CTNNA3: variants seen among roughly 807,000 people sequenced by gnomAD.
The protein encoded by CTNNA3 is catenin alpha 3, also known as catenin alpha-3.
Under a neutral mutation model 95.7 loss-of-function variants are expected in CTNNA3, and 76 were observed. The ratio of observed to expected loss-of-function variants is 0.79; its 90% CI spans 0.66 to 0.96. The LOEUF is 0.96. CTNNA3 is among the 40% of genes least tolerant of loss of function. The pLI is 0.00. For missense variants in CTNNA3, 1,191 were observed against 1,089.8 expected, an observed-to-expected ratio of 1.09 and a Z score of -1.31; for synonymous variants, 431 against 374.4, an observed-to-expected ratio of 1.15 and a Z score of -1.74.
chr10:67,122,153 T>C (rs979708002), intron 7 of CTNNA3, among the ~76,000 whole-genome samples: 1 of 151,950 alleles, frequency 6.6e-6, no homozygotes, highest in Non-Finnish European at 1.5e-5. Flanking sequence ...GCGTCTTTCC[T>C]AAGGGAAAGG....
rs183774119 is a variant in CTNNA3, at chr10:66,691,739, G to A, written c.1282-69955C>T. On this transcript the variant is annotated intron_variant, in intron 9 of 17. Coordinates refer to ENST00000433211, the MANE Select transcript of CTNNA3 (RefSeq NM_013266.4). ...GTAGAGGCAGACTGACACCTCACAC[G>A]GCTGGGTACTCCTCTGAGACAAAAC... Among the ~76,000 whole-genome samples the A allele has an allele frequency of 8.0e-3, 1,214 of 152,200 alleles. 8 individuals are homozygous for A. Among genetic ancestry groups the A allele is most frequent in the African/African-American group, 0.027 (1,140 of 41,518 alleles).
At chr10:66,886,137 G>T (rs1259724768) in intron 7 of CTNNA3, among the ~76,000 whole-genome samples, 1 of 152,060 alleles carries the variant, frequency 6.6e-6, no homozygotes, top group Non-Finnish European at 1.5e-5. Context: ...GGATTAGAGT[G>T]GCAAATGAGA....
At chr10:66,284,599 T>A (rs899966979) in intron 12 of CTNNA3, among the ~76,000 whole-genome samples, 1 of 151,940 alleles carries the variant, frequency 6.6e-6, no homozygotes, top group Non-Finnish European at 1.5e-5. Flanking sequence ...TAATCCTTGA[T>A]AAATTTATTA....
At chr10:66,701,860 T>A (rs575972292) in intron 9 of CTNNA3, among the ~76,000 whole-genome samples, 1 of 152,284 alleles carries the variant, frequency 6.6e-6, no homozygotes, top group African/African-American at 2.4e-5. Flanking sequence ...CACGTCTAAA[T>A]ACAAAATTCA....
intron 5 of CTNNA3, among the ~76,000 whole-genome samples, chr10:67,331,316 G>C (rs998231051): frequency 7.2e-5 from 11 of 152,158 alleles, no homozygotes; most frequent in African/African-American, 2.7e-4. Context: ...GCAGGATAAA[G>C]AAAAGTGAAT....
At chr10:66,821,556 C>G (rs951716213) in intron 7 of CTNNA3, among the ~76,000 whole-genome samples, 18 of 152,138 alleles carry the variant, frequency 1.2e-4, no homozygotes, top group African/African-American at 4.3e-4. Context: ...CAGCAGCAAC[C>G]TAACCCACTG....
intron 9 of CTNNA3, among the ~76,000 whole-genome samples, chr10:66,694,546 G>A (rs1485926771): frequency 6.6e-6 from 1 of 152,114 alleles, no homozygotes; most frequent in Non-Finnish European, 1.5e-5. Context: ...AGGAGGAACT[G>A]GTATCATTCC....
At chr10:66,640,872 C>T (rs1845494240) in intron 9 of CTNNA3, among the ~76,000 whole-genome samples, 2 of 152,090 alleles carry the variant, frequency 1.3e-5, no homozygotes, top group South Asian at 2.1e-4. Flanking sequence ...AAGATAAAAG[C>T]GAACAAACAT....
chr10:66,595,356 T>TTATTAG (rs1244303863), intron 10 of CTNNA3, among the ~76,000 whole-genome samples: 2 of 137,472 alleles, frequency 1.5e-5, no homozygotes, highest in African/African-American at 5.3e-5. Flanking sequence ...ATTATTATTA[T>TTATTAG]TATTTGAGAC....
chr10:66,076,129 A>G (rs1303784232), intron 14 of CTNNA3, among the ~76,000 whole-genome samples: 1 of 151,662 alleles, frequency 6.6e-6, no homozygotes, highest in African/African-American at 2.4e-5. Context: ...TTGGAAAAAT[A>G]GTTCTCTAAT....
intron 7 of CTNNA3, among the ~76,000 whole-genome samples, chr10:67,057,217 A>C (rs1451809589): frequency 6.6e-6 from 1 of 152,156 alleles, no homozygotes; most frequent in Non-Finnish European, 1.5e-5. Context: ...TATACATATA[A>C]ATTGTGAAAT....
intron 13 of CTNNA3, among the ~76,000 whole-genome samples, chr10:66,213,327 T>A (rs1016345807): frequency 1.3e-5 from 2 of 152,166 alleles, no homozygotes; most frequent in Non-Finnish European, 2.9e-5. Flanking sequence ...GTGTTCCAAA[T>A]TTCTTTATTT....
At chr10:67,274,548 C>T (rs935171676) in intron 5 of CTNNA3, among the ~76,000 whole-genome samples, 1 of 152,116 alleles carries the variant, frequency 6.6e-6, no homozygotes, top group African/African-American at 2.4e-5. Flanking sequence ...AAGGAGATGG[C>T]CTGGCGCAGT....
At chr10:66,747,068 T>C (rs1838912187) in intron 9 of CTNNA3, among the ~76,000 whole-genome samples, 1 of 152,226 alleles carries the variant, frequency 6.6e-6, no homozygotes, top group South Asian at 2.1e-4. Flanking sequence ...AATAAAATGC[T>C]GGTGAAATGT....
At chr10:66,007,072 G>T (rs1450834630) in intron 15 of CTNNA3, among the ~76,000 whole-genome samples, 1 of 152,076 alleles carries the variant, frequency 6.6e-6, no homozygotes, top group Non-Finnish European at 1.5e-5. Context: ...TAAATTTTAG[G>T]ACACCGTAAA....
At chr10:66,211,891 ATG>A (rs2088181122) in intron 13 of CTNNA3, among the ~76,000 whole-genome samples, 1 of 149,904 alleles carries the variant, frequency 6.7e-6, no homozygotes, top group Admixed American at 6.6e-5. Context: ...GGATGTGATT[ATG>A]TGGTTCAAGA....
chr10:67,205,755 A>G (rs752514498), intron 6 of CTNNA3, among the ~76,000 whole-genome samples: 1 of 152,194 alleles, frequency 6.6e-6, no homozygotes, highest in Non-Finnish European at 1.5e-5. Context: ...AGGAAAAGGT[A>G]AGGATAAATA....
intron 5 of CTNNA3, among the ~76,000 whole-genome samples, chr10:67,372,578 C>A (rs1204041204): frequency 3.3e-5 from 5 of 152,112 alleles, no homozygotes; most frequent in African/African-American, 9.7e-5. Flanking sequence ...GAGAACTTCC[C>A]CAACCTAGCA....
chr10:67,189,966 A>G (rs1272058978), intron 6 of CTNNA3, among the ~76,000 whole-genome samples: 1 of 152,216 alleles, frequency 6.6e-6, no homozygotes, highest in Admixed American at 6.5e-5. Context: ...ATGAGAACCA[A>G]TTCAAATAGT....
Sources: allele counts gnomAD v4.1 joint callset (sites outside exome capture counted in the v4.1 genomes callset), GRCh38; gene constraint gnomAD v4.1.1; transcripts MANE v1.5; gene names NCBI Gene and HGNC (gene_info 2026-07-23, HGNC 2026-07-21).